Variants in SKIC2 observed in about 807,000 individuals in gnomAD.
The protein encoded by SKIC2 is superkiller complex protein 2.
At chr6:31,960,602 G>A in the SKIC2 span, 1 of 1,580,578 alleles carries the variant, frequency 6.3e-7, no homozygotes, top group African/African-American at 1.3e-5. Flanking sequence ...TCCAGGGAAG[G>A]GTTCCCCACC....
chr6:31,966,832 C>A, the SKIC2 span: 1 of 1,614,130 alleles, frequency 6.2e-7, no homozygotes, highest in South Asian at 1.1e-5. The surrounding 1 kb of genome is among the most constrained non-coding windows in gnomAD (Gnocchi z 5.9). Flanking sequence ...GTTTCCCTCC[C>A]GCAAAGACAG....
At chr6:31,962,405 G>T in the SKIC2 span, 1 of 1,613,058 alleles carries the variant, frequency 6.2e-7, no homozygotes, top group Non-Finnish European at 8.5e-7. This position sits in a 1 kb window ranked among gnomAD's most constrained non-coding sequence, Gnocchi z 5.0. Context: ...ATGAGTCTGC[G>T]GAGGGACTGG....
At chr6:31,963,573 T>C in the SKIC2 span, 8 of 1,554,778 alleles carry the variant, frequency 5.1e-6, no homozygotes, top group South Asian at 4.9e-5. The surrounding 1 kb of genome is among the most constrained non-coding windows in gnomAD (Gnocchi z 5.3). Context: ...AGCCTCGAGA[T>C]GGGGGAAAGA....
the SKIC2 span, chr6:31,963,204 C>A: frequency 1.2e-6 from 1 of 845,518 alleles, no homozygotes; most frequent in Non-Finnish European, 1.9e-6. The surrounding 1 kb of genome is among the most constrained non-coding windows in gnomAD (Gnocchi z 5.3). Context: ...AGGGGTGATG[C>A]TGGGGAACAT....
the SKIC2 span, chr6:31,963,801 C>A: frequency 1.0e-3 from 1,482 of 1,481,938 alleles, 23 homozygotes; most frequent in Admixed American, 0.017. The surrounding 1 kb of genome is among the most constrained non-coding windows in gnomAD (Gnocchi z 5.3). Flanking sequence ...TTCCCCTTGT[C>A]CCCCAGGGGT....
chr6:31,962,337 C>T, the SKIC2 span: 2 of 1,316,126 alleles, frequency 1.5e-6, no homozygotes, highest in Non-Finnish European at 2.2e-6. This position sits in a 1 kb window ranked among gnomAD's most constrained non-coding sequence, Gnocchi z 5.0. Context: ...AAGAGGAGCA[C>T]CTGAGCTTCT....
At chr6:31,963,305 TG>T in the SKIC2 span, 1 of 1,086,574 alleles carries the variant, frequency 9.2e-7, no homozygotes, top group Non-Finnish European at 1.3e-6. The surrounding 1 kb of genome is among the most constrained non-coding windows in gnomAD (Gnocchi z 5.3). Flanking sequence ...CCTTCCATTC[TG>T]GGTCTCAGAA....
At chr6:31,967,010 G>A in the SKIC2 span, 1 of 1,613,020 alleles carries the variant, frequency 6.2e-7, no homozygotes, top group Non-Finnish European at 8.5e-7. This position sits in a 1 kb window ranked among gnomAD's most constrained non-coding sequence, Gnocchi z 4.9. Flanking sequence ...CAAGGCCCAT[G>A]AACAGGCCCT....
the SKIC2 span, chr6:31,963,091 G>T: frequency 6.2e-7 from 1 of 1,605,356 alleles, no homozygotes. This position sits in a 1 kb window ranked among gnomAD's most constrained non-coding sequence, Gnocchi z 5.3. Context: ...GACTGGATTG[G>T]GTGAGACGTG....
the SKIC2 span, chr6:31,959,434 A>G: frequency 6.9e-7 from 1 of 1,449,388 alleles, no homozygotes; most frequent in Non-Finnish European, 9.7e-7. Flanking sequence ...TTTGACCCGC[A>G]TTGAGTCCAA....
chr6:31,964,057 A>G, the SKIC2 span: 1 of 1,612,494 alleles, frequency 6.2e-7, no homozygotes, highest in Non-Finnish European at 8.5e-7. This position sits in a 1 kb window ranked among gnomAD's most constrained non-coding sequence, Gnocchi z 5.0. Context: ...TTCGGAGAAG[A>G]GCGAGATCCA....
the SKIC2 span, chr6:31,961,224 AAGCCTTAGCTG>A: frequency 6.2e-7 from 1 of 1,614,036 alleles, no homozygotes; most frequent in Non-Finnish European, 8.5e-7. Flanking sequence ...CTGGACTACT[AAGCCTTAGCTG>A]TATGTTGGAG....
At chr6:31,965,796 C>G in the SKIC2 span, 1 of 1,605,828 alleles carries the variant, frequency 6.2e-7, no homozygotes. This position sits in a 1 kb window ranked among gnomAD's most constrained non-coding sequence, Gnocchi z 5.6. Flanking sequence ...TTGTTTGCCA[C>G]AGAGACCTTT....
At chr6:31,963,684 C>A in the SKIC2 span, 1 of 1,557,172 alleles carries the variant, frequency 6.4e-7, no homozygotes, top group Non-Finnish European at 8.7e-7. The surrounding 1 kb of genome is among the most constrained non-coding windows in gnomAD (Gnocchi z 5.3). Context: ...AGCAAACACG[C>A]CCAGACCTTT....
the SKIC2 span, chr6:31,962,381 A>G: frequency 6.3e-7 from 1 of 1,586,280 alleles, no homozygotes; most frequent in Non-Finnish European, 8.7e-7. The surrounding 1 kb of genome is among the most constrained non-coding windows in gnomAD (Gnocchi z 5.0). Context: ...CATGTGGGAG[A>G]GGAAGTGCGG....
the SKIC2 span, chr6:31,959,419 TAA>T: frequency 3.8e-6 from 6 of 1,566,624 alleles, no homozygotes; most frequent in Non-Finnish European, 5.3e-6. Context: ...CTTTTGACCC[TAA>T]CCTTTGACCC....
At chr6:31,967,321 A>C in the SKIC2 span, 1 of 1,613,060 alleles carries the variant, frequency 6.2e-7, no homozygotes. The surrounding 1 kb of genome is among the most constrained non-coding windows in gnomAD (Gnocchi z 4.9). Context: ...CTCAGCAGGA[A>C]GGGTGGTGGT....
At chr6:31,968,149 T>C in the SKIC2 span, 1 of 1,598,420 alleles carries the variant, frequency 6.3e-7, no homozygotes, top group Non-Finnish European at 8.6e-7. This position sits in a 1 kb window ranked among gnomAD's most constrained non-coding sequence, Gnocchi z 6.1. Flanking sequence ...GGCAGTGGTC[T>C]GGGAGTTTCC....
the SKIC2 span, chr6:31,968,646 C>T: frequency 6.4e-7 from 1 of 1,572,552 alleles, no homozygotes; most frequent in Non-Finnish European, 8.7e-7. This position sits in a 1 kb window ranked among gnomAD's most constrained non-coding sequence, Gnocchi z 6.1. Context: ...TGCACCCCTG[C>T]TAAGGGGCAA....
Sources: allele counts gnomAD v4.1 joint callset, GRCh38; gene constraint gnomAD v4.1.1; non-coding constraint Gnocchi (gnomAD v3.1); transcripts MANE v1.5; gene names NCBI Gene and HGNC (gene_info 2026-07-23, HGNC 2026-07-21).